ANO3: variants seen among roughly 807,000 people sequenced by gnomAD.
ANO3 encodes anoctamin-3.
Under a neutral mutation model 144.8 loss-of-function variants are expected in ANO3, and 99 were observed. That is an observed-to-expected ratio of 0.68 (90% CI 0.58 to 0.81). ANO3 has a LOEUF of 0.81. Ranked by LOEUF, ANO3 falls within the 30% of genes least tolerant of loss-of-function variation. ANO3 has a pLI of 0.00. For missense variants in ANO3, 905 were observed against 1,202.2 expected, an observed-to-expected ratio of 0.75 and a Z score of 3.66; for synonymous variants, 414 against 392.6, an observed-to-expected ratio of 1.05 and a Z score of -0.64.
At chr11:26,368,870 C>G (rs1219396809) in intron 1 of ANO3, among the ~76,000 whole-genome samples, 1 of 151,502 alleles carries the variant, frequency 6.6e-6, no homozygotes, top group Non-Finnish European at 1.5e-5. Context: ...CATGAAACAA[C>G]CTATTTTAAA....
At chr11:26,616,216 G>T (rs964233656) in intron 17 of ANO3, among the ~76,000 whole-genome samples, 2 of 152,036 alleles carry the variant, frequency 1.3e-5, no homozygotes, top group Admixed American at 6.6e-5. Context: ...CTAAATAAAA[G>T]CCACTTTCCT....
chr11:26,278,996 T>C (rs1024836374), intron 1 of ANO3, among the ~76,000 whole-genome samples: 3 of 152,166 alleles, frequency 2.0e-5, no homozygotes, highest in Non-Finnish European at 2.9e-5. Context: ...TCACCCTACA[T>C]AGCCTTCAAT....
chr11:26,271,994 A>G (rs768376303), intron 1 of ANO3, among the ~76,000 whole-genome samples: 4 of 151,986 alleles, frequency 2.6e-5, no homozygotes, highest in Non-Finnish European at 4.4e-5. Flanking sequence ...TCCTTATAAA[A>G]CTCCATAGCC....
At chr11:26,451,892 C>A (rs1324574215) in intron 3 of ANO3, among the ~76,000 whole-genome samples, 2 of 152,138 alleles carry the variant, frequency 1.3e-5, no homozygotes, top group African/African-American at 2.4e-5. Flanking sequence ...GACAAAACTT[C>A]CAGAGGAACA....
intron 1 of ANO3, among the ~76,000 whole-genome samples, chr11:26,363,125 T>A (rs1855971855): frequency 1.3e-5 from 2 of 152,304 alleles, no homozygotes; most frequent in East Asian, 1.9e-4. Flanking sequence ...TTTTACAGAT[T>A]TTTTTAGTTC....
chr11:26,257,612 A>G (rs1236626251), intron 1 of ANO3, among the ~76,000 whole-genome samples: 1 of 152,150 alleles, frequency 6.6e-6, no homozygotes, highest in African/African-American at 2.4e-5. Context: ...TTAAAATTTT[A>G]AAGTACCATA....
intron 1 of ANO3, among the ~76,000 whole-genome samples, chr11:26,232,477 C>T (rs1179752239): frequency 6.6e-6 from 1 of 151,964 alleles, no homozygotes; most frequent in Non-Finnish European, 1.5e-5. Context: ...TTACATGAGT[C>T]AATAATTTCA....
chr11:26,561,016 G>C (rs752739971), intron 14 of ANO3: 9 of 1,544,168 alleles, frequency 5.8e-6, no homozygotes, highest in Non-Finnish European at 6.2e-6. Flanking sequence ...TTGTCAAAAG[G>C]CTAGGATGTA....
At chr11:26,415,024 G>A (rs879438025) in intron 1 of ANO3, among the ~76,000 whole-genome samples, 20 of 150,796 alleles carry the variant, frequency 1.3e-4, no homozygotes, top group Non-Finnish European at 2.2e-4. Context: ...GTACCATAGC[G>A]GAGCCAGATT....
intron 24 of ANO3, among the ~76,000 whole-genome samples, chr11:26,653,130 A>T (rs1853584060): frequency 1.3e-5 from 2 of 152,092 alleles, no homozygotes; most frequent in Non-Finnish European, 2.9e-5. Flanking sequence ...TCATGGATCG[A>T]TCTACGCTCA....
chr11:26,502,393 GA>G (rs1861233441), intron 4 of ANO3, among the ~76,000 whole-genome samples: 1 of 152,142 alleles, frequency 6.6e-6, no homozygotes, highest in Non-Finnish European at 1.5e-5. Context: ...GCTAAGTAGT[GA>G]AGTTAAATGC....
chr11:26,607,912 C>T (rs1267458954), intron 17 of ANO3, among the ~76,000 whole-genome samples: 1 of 152,220 alleles, frequency 6.6e-6, no homozygotes, highest in African/African-American at 2.4e-5. Context: ...TTTGTTATTA[C>T]TCATCTTCTG....
chr11:26,525,862 T>G (rs779415939), intron 7 of ANO3, among the ~76,000 whole-genome samples, 183 bp downstream of exon 7: 5 of 152,162 alleles, frequency 3.3e-5, no homozygotes, highest in Non-Finnish European at 7.4e-5. Context: ...ATAATCTTTT[T>G]GTTACAATTT....
chr11:26,370,373 T>A (rs1173408894), intron 1 of ANO3, among the ~76,000 whole-genome samples: 1 of 152,012 alleles, frequency 6.6e-6, no homozygotes, highest in African/African-American at 2.4e-5. Context: ...CCATGCTGAG[T>A]CAATTAAACC....
chr11:26,390,924 G>A (rs10501048), intron 1 of ANO3, among the ~76,000 whole-genome samples: 18,836 of 151,956 alleles, frequency 0.12, 1,318 homozygotes, highest in Admixed American at 0.19. Flanking sequence ...AAGTTTGTTG[G>A]CCAAGAGCTA....
intron 1 of ANO3, among the ~76,000 whole-genome samples, chr11:26,344,809 G>A (rs958941679): frequency 6.6e-6 from 1 of 152,254 alleles, no homozygotes; most frequent in African/African-American, 2.4e-5. Flanking sequence ...CTTGCAATTA[G>A]TCATAGCTCT....
intron 23 of ANO3, among the ~76,000 whole-genome samples, chr11:26,646,324 CA>C (rs1853344786): frequency 6.6e-6 from 1 of 151,938 alleles, no homozygotes; most frequent in South Asian, 2.1e-4. Context: ...AACATACAGT[CA>C]TAGCTATAAA....
At chr11:26,301,090 G>T (rs1046437728) in intron 1 of ANO3, among the ~76,000 whole-genome samples, 3 of 136,118 alleles carry the variant, frequency 2.2e-5, no homozygotes, top group Admixed American at 2.1e-4. Flanking sequence ...CTGACCTCGA[G>T]ATCCACCTGC....
At chr11:26,298,633 T>G (rs867915444) in intron 1 of ANO3, among the ~76,000 whole-genome samples, 8 of 152,222 alleles carry the variant, frequency 5.3e-5, no homozygotes, top group African/African-American at 1.9e-4. Context: ...AATTTCACTT[T>G]AATATCACCT....
Sources: allele counts gnomAD v4.1 joint callset (sites outside exome capture counted in the v4.1 genomes callset), GRCh38; gene constraint gnomAD v4.1.1; transcripts MANE v1.5; gene names NCBI Gene and HGNC (gene_info 2026-07-23, HGNC 2026-07-21).